Variants in ERN1 observed in about 807,000 individuals in gnomAD.
The protein encoded by ERN1 is serine/threonine-protein kinase/endoribonuclease IRE1.
In ERN1, 39 loss-of-function variants were observed where a neutral mutation model predicts 113.1. That is an observed-to-expected ratio of 0.34 (90% CI 0.27 to 0.45). The LOEUF is 0.45. Among genes scored for constraint, ERN1 ranks in the 20% least tolerant of loss-of-function variants. The pLI, the probability that ERN1 is intolerant of heterozygous loss-of-function variation, is 1.00. For synonymous variants in ERN1, 507 were observed against 515.9 expected (o/e 0.98, Z 0.23); for missense variants, 976 against 1,274.8 (o/e 0.77, Z 3.57).
At chr17:64,129,163 A>C (rs1915161653) in intron 1 of ERN1, 1 of 152,196 alleles carries the variant, frequency 6.6e-6, no homozygotes, top group Non-Finnish European at 1.5e-5. Context: ...AGTGAAGGTC[A>C]TAAAGAGTTA....
chr17:64,054,154 G>T lies in ERN1; in HGVS notation c.1953+96C>A. 1 of 1,105,236 alleles carries T rather than the reference G, an allele frequency of 9.0e-7. No homozygotes were observed. The highest frequency in any genetic ancestry group is 1.3e-6 in the Non-Finnish European group (1 of 780,436). The allele number at this position is 1,105,236 out of a possible 1,614,324, so 68.5% of individuals were successfully genotyped here. A position where few individuals can be genotyped will look rare whatever the true frequency, so the allele number is the denominator to read the frequency against. ...GGGGTTTCACCATGTTGTCCAGGCT[G>T]GTCTCAAACTCCTGAGCTCACGTGA... On this transcript the variant is annotated intron_variant, in intron 15 of 21. Transcript: ENST00000433197. The surrounding 1 kb of genome is among the most constrained non-coding windows in gnomAD (Gnocchi z 4.9).
At chr17:64,102,415 T>C (rs1403602846) in intron 1 of ERN1, among the ~76,000 whole-genome samples, 1 of 152,192 alleles carries the variant, frequency 6.6e-6, no homozygotes, top group East Asian at 1.9e-4. Context: ...TCTACAGAAA[T>C]GCCACAAACT....
chr17:64,122,726 G>A (rs1019411883), intron 1 of ERN1, among the ~76,000 whole-genome samples: 1 of 152,152 alleles, frequency 6.6e-6, no homozygotes, highest in African/African-American at 2.4e-5. Context: ...GTCCTATTAA[G>A]CAAAGACTGG....
chr17:64,062,330 T>C (rs1467723763), intron 10 of ERN1, among the ~76,000 whole-genome samples: 1 of 152,272 alleles, frequency 6.6e-6, no homozygotes, highest in Non-Finnish European at 1.5e-5. Context: ...CAACCTGGAA[T>C]ATCTTTAATG....
In ERN1 at chr17:64,080,792, G is replaced by A. The variant is rs759962078; in HGVS notation, c.192C>T (p.Val64=). 6.2e-7 allele frequency: 1 copy of A among 1,610,722 alleles called. No homozygotes were observed. The highest frequency in any genetic ancestry group is 8.5e-7 in the Non-Finnish European group (1 of 1,178,410). ...WTLKEDPVLQ[V]PTHVEEPAFL... ...AAACTTACTCTTCCACATGTGTTGG[G>A]ACCTGCAGGACTGGATCTGTGCAAA... is the stretch of plus-strand genomic sequence containing the variant. Residue 64 remains valine, a synonymous_variant, in exon 3 of 22, where the codon GTC becomes GTT. Coordinates refer to ENST00000433197, the MANE Select transcript of ERN1 (RefSeq NM_001433.5).
At chr17:64,119,904 T>C (rs768011926) in intron 1 of ERN1, among the ~76,000 whole-genome samples, 9 of 152,066 alleles carry the variant, frequency 5.9e-5, no homozygotes, top group Non-Finnish European at 8.8e-5. Context: ...TCAGAGTCAC[T>C]TGGGCCTTAA....
At chr17:64,103,072 C>T (rs1914429416) in intron 1 of ERN1, 1 of 469,696 alleles carries the variant, frequency 2.1e-6, no homozygotes, top group Admixed American at 6.4e-5. Context: ...CAGCATGTGT[C>T]ACTCAGTGGG....
At chr17:64,056,810 G>A (rs575422821) in intron 12 of ERN1, among the ~76,000 whole-genome samples, 2 of 152,312 alleles carry the variant, frequency 1.3e-5, no homozygotes, top group African/African-American at 2.4e-5. Flanking sequence ...TTGTGGACAA[G>A]GGATCAATAA....
intron 2 of ERN1, among the ~76,000 whole-genome samples, chr17:64,089,318 CAAAAAAAA>C (rs34094164): frequency 4.1e-5 from 1 of 24,236 alleles, no homozygotes; most frequent in Non-Finnish European, 1.1e-4. Context: ...GAATCCATCT[CAAAAAAAA>C]AAAAAAAAAA....
intron 4 of ERN1, among the ~76,000 whole-genome samples, chr17:64,077,054 A>C (rs972771940): frequency 6.6e-6 from 1 of 152,216 alleles, no homozygotes; most frequent in Non-Finnish European, 1.5e-5. Context: ...AGTTTCTGGC[A>C]AACAAATTGC....
At chr17:64,094,205 T>C (rs941900840) in intron 2 of ERN1, among the ~76,000 whole-genome samples, 4 of 152,226 alleles carry the variant, frequency 2.6e-5, no homozygotes, top group African/African-American at 7.2e-5. Flanking sequence ...CTTCTTTTGT[T>C]TGAAACACTA....
At chr17:64,093,077 G>T (rs1914132432) in intron 2 of ERN1, among the ~76,000 whole-genome samples, 1 of 151,444 alleles carries the variant, frequency 6.6e-6, no homozygotes, top group African/African-American at 2.4e-5. Context: ...CCATTTCTGG[G>T]AACTACAACA....
chr17:64,129,943 C>A (rs1040880498), intron 1 of ERN1, 33 bp downstream of exon 1: 3 of 1,413,066 alleles, frequency 2.1e-6, no homozygotes, highest in Non-Finnish European at 1.8e-6. Context: ...CCGTCGCGAG[C>A]TGTCCTCCAC....
At chr17:64,107,277 T>C (rs1276448527) in intron 1 of ERN1, among the ~76,000 whole-genome samples, 1 of 152,178 alleles carries the variant, frequency 6.6e-6, no homozygotes, top group South Asian at 2.1e-4. Flanking sequence ...TCTTTGAAGT[T>C]ATGTTAAGTA....
At chr17:64,098,714 T>C (rs1914300873) in intron 1 of ERN1, among the ~76,000 whole-genome samples, 2 of 152,154 alleles carry the variant, frequency 1.3e-5, no homozygotes, top group South Asian at 4.1e-4. Context: ...GCTTTCATTA[T>C]ACAAAGAATT....
chr17:64,068,747 G>A (rs983570224), intron 6 of ERN1, among the ~76,000 whole-genome samples: 1 of 152,228 alleles, frequency 6.6e-6, no homozygotes, highest in Admixed American at 6.5e-5. Flanking sequence ...ACTTGCTAGT[G>A]CAGAGGGGGC....
At chr17:64,088,037 T>C (rs958411462) in intron 2 of ERN1, among the ~76,000 whole-genome samples, 2 of 152,166 alleles carry the variant, frequency 1.3e-5, no homozygotes, top group African/African-American at 4.8e-5. Flanking sequence ...ATTGACGGCC[T>C]CTCTCTGGAG....
Position 64,043,955 on chromosome 17 carries a change from C to A in ERN1, c.*33G>T, listed in dbSNP as rs1458381697. On this transcript the variant is annotated 3_prime_UTR_variant, in exon 22 of 22. Transcript: ENST00000433197. ...GTGGTGACCAGGCCCTCAGTCACAG[C>A]TGGGGCCACCAGAACAGAGGGGCCG... 2 of 1,456,740 alleles carry A rather than the reference C, an allele frequency of 1.4e-6. No individual in the cohort carries two copies. The highest frequency in any genetic ancestry group is 1.2e-5 in the South Asian group (1 of 85,636). The allele number at this position is 1,456,740 out of a possible 1,614,324, so 90.2% of individuals were successfully genotyped here.
At chr17:64,064,216 C>G in intron 9 of ERN1, 65 bp from the exon 10 acceptor site, 1 of 1,498,298 alleles carries the variant, frequency 6.7e-7, no homozygotes, top group African/African-American at 1.4e-5. Flanking sequence ...GGCACACCAT[C>G]CCAGCCACTG....
Sources: gnomAD v4.1 joint callset for allele counts (sites outside exome capture counted in the v4.1 genomes callset) on GRCh38, gnomAD v4.1.1 for gene constraint, Gnocchi (gnomAD v3.1) non-coding constraint, MANE v1.5 for transcripts, NCBI Gene and HGNC (gene_info 2026-07-23, HGNC 2026-07-21) for gene names.